EGFLAM: variants seen among roughly 807,000 people sequenced by gnomAD.
EGFLAM encodes EGF like, fibronectin type III and laminin G domains.
EGFLAM carries 79 observed loss-of-function variants against 113.1 expected under a neutral mutation model. The observed-to-expected ratio is 0.70, with a 90% CI of 0.58 to 0.84. The LOEUF (loss-of-function observed/expected upper bound fraction) is 0.84. Among genes scored for constraint, EGFLAM ranks in the 40% least tolerant of loss-of-function variants. The pLI is 0.00. For missense variants in EGFLAM, 1,265 were observed against 1,291.6 expected (o/e 0.98, Z 0.32); for synonymous variants, 504 against 487.6 (o/e 1.03, Z -0.44).
At chr5:38,278,156 G>T (rs1757930111) in intron 1 of EGFLAM, among the ~76,000 whole-genome samples, 1 of 152,120 alleles carries the variant, frequency 6.6e-6, no homozygotes, top group African/African-American at 2.4e-5. Context: ...AAAAGCTATA[G>T]TAATGAAAAC....
intron 6 of EGFLAM, among the ~76,000 whole-genome samples, chr5:38,375,177 C>T (rs1740333862): frequency 6.7e-6 from 1 of 150,100 alleles, no homozygotes; most frequent in African/African-American, 2.5e-5. Context: ...ATTGCACATA[C>T]AGAAATGTGG....
At chr5:38,360,433 T>C (rs994804297) in intron 5 of EGFLAM, among the ~76,000 whole-genome samples, 9 of 152,310 alleles carry the variant, frequency 5.9e-5, no homozygotes, top group African/African-American at 2.2e-4. Flanking sequence ...AATTAAGGCA[T>C]GCTGGATACG....
intron 20 of EGFLAM, among the ~76,000 whole-genome samples, chr5:38,458,920 G>A (rs986074344): frequency 5.9e-5 from 9 of 151,640 alleles, no homozygotes; most frequent in African/African-American, 1.7e-4. Flanking sequence ...GGTGGAGGTA[G>A]CAGGATCATG....
At position 38,463,887 on chromosome 5, in the gene EGFLAM, G is replaced by A; in HGVS notation, c.2931G>A (p.Val977=). 6 of 1,614,188 alleles carry A rather than the reference G, an allele frequency of 3.7e-6. No homozygotes were observed. Among genetic ancestry groups the A allele is most frequent in the Non-Finnish European group, 5.1e-6 (6 of 1,180,038 alleles). ...HTNRQYMRGL[V]GCISHFTLST... is the part of the protein sequence containing the mutation. ...ACAGGCAATATATGAGAGGGCTCGT[G>A]GGCTGTATCTCTCACTTCACCCTGT... The change falls in exon 22 of 22, where the codon GTG becomes GTA. Residue 977 remains valine (V), a synonymous_variant. Transcript: ENST00000322350.
chr5:38,422,584 A>C (rs997167377), intron 12 of EGFLAM, among the ~76,000 whole-genome samples: 1 of 152,236 alleles, frequency 6.6e-6, no homozygotes, highest in East Asian at 1.9e-4. Flanking sequence ...CAGCTCTATC[A>C]CATATTTTTA....
chr5:38,268,862 C>A (rs1757694895), intron 1 of EGFLAM, among the ~76,000 whole-genome samples: 1 of 152,156 alleles, frequency 6.6e-6, no homozygotes, highest in Admixed American at 6.5e-5. Context: ...ATATTTCCTA[C>A]ATTTTACAAA....
At chr5:38,372,142 T>C (rs1469317848) in intron 6 of EGFLAM, among the ~76,000 whole-genome samples, 1 of 150,106 alleles carries the variant, frequency 6.7e-6, no homozygotes, top group Non-Finnish European at 1.5e-5. Context: ...CTCATACTGC[T>C]CCTTTTTTTT....
intron 1 of EGFLAM, among the ~76,000 whole-genome samples, chr5:38,332,638 G>A (rs1356985622): frequency 6.6e-6 from 1 of 152,220 alleles, no homozygotes; most frequent in African/African-American, 2.4e-5. Context: ...CCAGTGATAA[G>A]CATTATTTCT....
intron 1 of EGFLAM, among the ~76,000 whole-genome samples, chr5:38,296,039 C>T (rs1579739633): frequency 6.6e-6 from 1 of 152,044 alleles, no homozygotes; most frequent in Non-Finnish European, 1.5e-5. Flanking sequence ...TGGTTACACC[C>T]AACTGTGCTG....
intron 5 of EGFLAM, among the ~76,000 whole-genome samples, chr5:38,352,835 T>G (rs1739666693): frequency 6.6e-6 from 1 of 152,174 alleles, no homozygotes; most frequent in African/African-American, 2.4e-5. Flanking sequence ...CTGGTAAACC[T>G]ATCTGTATCA....
intron 1 of EGFLAM, among the ~76,000 whole-genome samples, chr5:38,314,339 C>A (rs1462097485): frequency 6.6e-6 from 1 of 152,182 alleles, no homozygotes; most frequent in Non-Finnish European, 1.5e-5. Context: ...ATCTTCCTGT[C>A]CATTCCTATG....
intron 1 of EGFLAM, among the ~76,000 whole-genome samples, chr5:38,334,938 T>C (rs1739145325): frequency 6.6e-6 from 1 of 152,204 alleles, no homozygotes; most frequent in South Asian, 2.1e-4. Context: ...TGTGTGGACA[T>C]GTTACTAGTT....
chr5:38,300,935 G>C (rs1431120987), intron 1 of EGFLAM, among the ~76,000 whole-genome samples: 1 of 152,178 alleles, frequency 6.6e-6, no homozygotes, highest in East Asian at 1.9e-4. Context: ...GAGATTTTTA[G>C]CCTGAGCAAC....
Position 38,438,501 on chromosome 5 carries a change from G to C in EGFLAM, c.2464+46G>C, listed in dbSNP as rs751135521. 6.0e-6 allele frequency: 9 copies of C among 1,487,756 alleles called. No individual in the cohort carries two copies. In the South Asian group the frequency reaches 1.2e-4, roughly 19 times the overall value. The allele number at this position is 1,487,756 out of a possible 1,614,324, so 92.2% of individuals were successfully genotyped here. A position where few individuals can be genotyped will look rare whatever the true frequency, so the allele number is the denominator to read the frequency against. On this transcript the variant is annotated intron_variant, in intron 17 of 21. Transcript: ENST00000322350. ...CACAGCTCCCTGGAGGGAGTGGAAG[G>C]AACGGACAGCCAATTGGGGGACCAC...
intron 1 of EGFLAM, among the ~76,000 whole-genome samples, chr5:38,326,873 A>ACAGCAACCTCCGCCTCC (rs1221444018): frequency 6.8e-6 from 1 of 147,738 alleles, no homozygotes; most frequent in Non-Finnish European, 1.5e-5. Context: ...ATCTCGGCTC[A>ACAGCAACCTCCGCCTCC]CAGCAACCTC....
intron 5 of EGFLAM, among the ~76,000 whole-genome samples, chr5:38,361,476 G>A (rs562636211): frequency 6.6e-6 from 1 of 152,298 alleles, no homozygotes; most frequent in East Asian, 1.9e-4. Flanking sequence ...ATGTCAAATA[G>A]GTGCTGGTAA....
intron 1 of EGFLAM, among the ~76,000 whole-genome samples, chr5:38,259,541 T>G (rs1177165121): frequency 6.6e-6 from 1 of 152,234 alleles, no homozygotes; most frequent in Non-Finnish European, 1.5e-5. Flanking sequence ...AGGTAAAAAG[T>G]CTTCGTTTAT....
intron 12 of EGFLAM, among the ~76,000 whole-genome samples, chr5:38,418,702 A>G (rs1298118946): frequency 1.3e-5 from 2 of 152,212 alleles, no homozygotes. Flanking sequence ...ACATCTTCTC[A>G]TATGCTCTCT....
At chr5:38,459,505 G>T (rs1347162360) in intron 20 of EGFLAM, among the ~76,000 whole-genome samples, 1 of 152,118 alleles carries the variant, frequency 6.6e-6, no homozygotes, top group African/African-American at 2.4e-5. Flanking sequence ...CATATTTTCA[G>T]AAACGAAATA....
Sources: gnomAD v4.1 joint callset for allele counts (sites outside exome capture counted in the v4.1 genomes callset) on GRCh38, gnomAD v4.1.1 for gene constraint, MANE v1.5 for transcripts, NCBI Gene and HGNC (gene_info 2026-07-23, HGNC 2026-07-21) for gene names.